PPM1L: variants seen among roughly 807,000 people sequenced by gnomAD.
PPM1L encodes protein phosphatase 1L.
Under a neutral mutation model 31.4 loss-of-function variants are expected in PPM1L, and 13 were observed. The observed-to-expected ratio is 0.41, with a 90% CI of 0.27 to 0.66. The LOEUF is 0.66. PPM1L is among the 30% of genes least tolerant of loss of function. The probability of loss-of-function intolerance (pLI) is 0.29; values close to 1 mark genes in which losing one functional copy is unlikely to be tolerated. For missense variants in PPM1L, 326 were observed against 453.7 expected, an observed-to-expected ratio of 0.72 and a Z score of 2.56; for synonymous variants, 184 against 175.4, an observed-to-expected ratio of 1.05 and a Z score of -0.39.
At chr3:160,913,633 A>G (rs988734003) in intron 1 of PPM1L, among the ~76,000 whole-genome samples, 3 of 152,126 alleles carry the variant, frequency 2.0e-5, no homozygotes, top group East Asian at 1.9e-4. Flanking sequence ...CTAGAATTTC[A>G]TATTAATGAG....
chr3:160,808,322 C>G (rs866047729), intron 1 of PPM1L, among the ~76,000 whole-genome samples: 2 of 110,822 alleles, frequency 1.8e-5, no homozygotes, highest in African/African-American at 7.8e-5. Flanking sequence ...TGTGTGTGTG[C>G]GTGCATGTGT....
At chr3:161,003,860 G>A (rs1241353821) in intron 2 of PPM1L, among the ~76,000 whole-genome samples, 2 of 150,970 alleles carry the variant, frequency 1.3e-5, no homozygotes, top group Non-Finnish European at 3.0e-5. Flanking sequence ...GCCCTGGCCA[G>A]AACTTCCAAC....
At chr3:160,930,337 C>T (rs1714741605) in intron 1 of PPM1L, among the ~76,000 whole-genome samples, 1 of 151,882 alleles carries the variant, frequency 6.6e-6, no homozygotes, top group Non-Finnish European at 1.5e-5. Flanking sequence ...GCCCTGAAGA[C>T]ATACAAGGAC....
chr3:161,010,953 C>T (rs1453607021), intron 2 of PPM1L, among the ~76,000 whole-genome samples: 1 of 152,096 alleles, frequency 6.6e-6, no homozygotes, highest in Admixed American at 6.5e-5. Context: ...AAATTTTCTC[C>T]CATTCTGTAG....
chr3:160,886,891 G>A (rs1712935598), intron 1 of PPM1L, among the ~76,000 whole-genome samples: 1 of 152,064 alleles, frequency 6.6e-6, no homozygotes, highest in Admixed American at 6.5e-5. Flanking sequence ...ACTTCAGAAG[G>A]TGGGTAATAA....
chr3:161,065,332 T>C, intron 2 of PPM1L, 71 bp from the exon 3 acceptor site: 1 of 1,477,380 alleles, frequency 6.8e-7, no homozygotes, highest in African/African-American at 1.4e-5. Flanking sequence ...AAGAATCCAG[T>C]TACCACAAGA....
At chr3:161,061,863 C>T (rs866622110) in intron 2 of PPM1L, among the ~76,000 whole-genome samples, 3 of 152,142 alleles carry the variant, frequency 2.0e-5, no homozygotes, top group Non-Finnish European at 4.4e-5. Flanking sequence ...ACAACAACAA[C>T]AAAAAATTCA....
At chr3:160,978,527 C>A (rs1716683547) in intron 2 of PPM1L, among the ~76,000 whole-genome samples, 1 of 152,154 alleles carries the variant, frequency 6.6e-6, no homozygotes, top group Non-Finnish European at 1.5e-5. Context: ...TCTTGCATAA[C>A]AACCATCTAT....
At position 160,989,654 on chromosome 3, in the gene PPM1L, G is replaced by A. The variant is rs199941279; in HGVS notation, c.574+27744G>A. On this transcript the variant is annotated intron_variant, in intron 2 of 3. Transcript: ENST00000498165. Reference sequence around the variant, plus strand: ...TAGGGTCACAGGCGTGAGCCACCACGCCCAGCCTATTTATTAATTTTTAGA... The same window carrying A: ...TAGGGTCACAGGCGTGAGCCACCACACCCAGCCTATTTATTAATTTTTAGA... Among the ~76,000 whole-genome samples the A allele has an allele frequency of 1.0e-3, 157 of 151,996 alleles. 2 individuals are homozygous for A. In the South Asian group the frequency reaches 0.026, roughly 25 times the overall value.
chr3:161,068,768 G>T, intron 3 of PPM1L, 43 bp from the exon 4 acceptor site: 3 of 1,517,336 alleles, frequency 2.0e-6, no homozygotes, highest in Non-Finnish European at 2.7e-6. Context: ...AGGTAAGTGA[G>T]ATATCAGCTG....
chr3:160,783,534 A>T (rs1009327250), intron 1 of PPM1L, among the ~76,000 whole-genome samples: 1 of 149,996 alleles, frequency 6.7e-6, no homozygotes, highest in Non-Finnish European at 1.5e-5. Flanking sequence ...CTGGAGATGG[A>T]GGTTGCAGTG....
At chr3:161,014,284 T>A (rs1444193425) in intron 2 of PPM1L, among the ~76,000 whole-genome samples, 1 of 152,186 alleles carries the variant, frequency 6.6e-6, no homozygotes, top group Non-Finnish European at 1.5e-5. Context: ...CTTACTGTGA[T>A]TTATCTTTTC....
intron 1 of PPM1L, among the ~76,000 whole-genome samples, chr3:160,791,773 C>A (rs75325678): frequency 5.3e-5 from 8 of 152,060 alleles, no homozygotes; most frequent in East Asian, 1.9e-4. Flanking sequence ...TGAAAAAGGC[C>A]TCTTGGATAA....
Position 160,996,618 on chromosome 3 carries a change from A to C in PPM1L, c.574+34708A>C, listed in dbSNP as rs143695629. Among the ~76,000 whole-genome samples, 1,403 of 152,200 alleles carry C rather than the reference A, an allele frequency of 9.2e-3. 22 individuals carry two copies. The highest frequency in any genetic ancestry group is 0.032 in the African/African-American group (1,337 of 41,522). ...ATGCAAAGACATAAGAATGATACAG[A>C]GGGCTTTGGGGACCTGGGGGAGAGG... On this transcript the variant is annotated intron_variant, in intron 2 of 3. Coordinates refer to ENST00000498165, the MANE Select transcript of PPM1L (RefSeq NM_139245.4).
At chr3:160,896,487 G>A (rs1056758964) in intron 1 of PPM1L, among the ~76,000 whole-genome samples, 2 of 152,116 alleles carry the variant, frequency 1.3e-5, no homozygotes, top group African/African-American at 4.8e-5. Flanking sequence ...TTAAAAGGAA[G>A]TTTATTCACT....
At chr3:160,782,040 A>G (rs555623507) in intron 1 of PPM1L, among the ~76,000 whole-genome samples, 2 of 152,328 alleles carry the variant, frequency 1.3e-5, no homozygotes, top group South Asian at 4.1e-4. Context: ...TTTAAAGTGT[A>G]TGACTCACTG....
intron 1 of PPM1L, among the ~76,000 whole-genome samples, chr3:160,823,800 T>A (rs1713275922): frequency 6.6e-6 from 1 of 152,114 alleles, no homozygotes. Flanking sequence ...TGTAATTTGT[T>A]TAAGAATCCT....
Position 160,798,131 on chromosome 3 carries a change from T to G in PPM1L, c.399+41424T>G, listed in dbSNP as rs781369376. ...AGGTGGAGGTTGCAGTGAGCCGAGATCACGCCATTGCACTCCAGCCTGGAC... is the reference window on the plus strand; with the variant it reads ...AGGTGGAGGTTGCAGTGAGCCGAGAGCACGCCATTGCACTCCAGCCTGGAC... On this transcript the variant is annotated intron_variant, in intron 1 of 3. Transcript: ENST00000498165. 4.1e-4 allele frequency among the ~76,000 whole-genome samples: 63 copies of G among 151,980 alleles called. No homozygotes were observed. In the Middle Eastern group the frequency reaches 0.01, roughly 25 times the overall value.
chr3:160,920,516 A>G (rs1714350278), intron 1 of PPM1L, among the ~76,000 whole-genome samples: 1 of 151,798 alleles, frequency 6.6e-6, no homozygotes, highest in Non-Finnish European at 1.5e-5. Flanking sequence ...ATGGTCTCCC[A>G]TCTACCAAGG....
Sources: allele counts gnomAD v4.1 joint callset (sites outside exome capture counted in the v4.1 genomes callset), GRCh38; gene constraint gnomAD v4.1.1; transcripts MANE v1.5; gene names NCBI Gene and HGNC (gene_info 2026-07-23, HGNC 2026-07-21).